Variants in SLC6A6 observed in about 807,000 individuals in gnomAD.
SLC6A6 encodes the protein solute carrier family 6 member 6, also known as sodium- and chloride-dependent taurine transporter.
Under a neutral mutation model 68.8 loss-of-function variants are expected in SLC6A6, and 16 were observed. That is an observed-to-expected ratio of 0.23 (90% confidence interval 0.16 to 0.35). SLC6A6 has a LOEUF of 0.35. SLC6A6 is among the 10% of genes least tolerant of loss of function. SLC6A6 has a pLI of 1.00. For synonymous variants in SLC6A6, 312 were observed against 315.4 expected, an observed-to-expected ratio of 0.99 and a Z score of 0.12; for missense variants, 474 against 802.8, an observed-to-expected ratio of 0.59 and a Z score of 4.95.
intron 1 of SLC6A6, among the ~76,000 whole-genome samples, chr3:14,414,527 T>C (rs1031038799): frequency 2.0e-5 from 3 of 151,936 alleles, no homozygotes; most frequent in Admixed American, 6.6e-5. Context: ...TATTCTTTTT[T>C]TTTTCTTTTT....
chr3:14,457,548 G>A (rs1039019650), intron 5 of SLC6A6, among the ~76,000 whole-genome samples: 6 of 152,194 alleles, frequency 3.9e-5, no homozygotes, highest in South Asian at 2.1e-4. Context: ...GGCTAACTTC[G>A]TTCTGTCAGT....
intron 1 of SLC6A6, among the ~76,000 whole-genome samples, chr3:14,414,803 G>A (rs1313380118): frequency 6.6e-6 from 1 of 152,218 alleles, no homozygotes; most frequent in Non-Finnish European, 1.5e-5. Flanking sequence ...TGCTGGGATT[G>A]CAGACATGAG....
Position 14,468,220 on chromosome 3 carries a change from G to A in SLC6A6, c.1096+8G>A, listed in dbSNP as rs779134344. 6.2e-7 allele frequency: 1 copy of A among 1,611,456 alleles called. No individual in the cohort carries two copies. Among genetic ancestry groups the A allele is most frequent in the Admixed American group, 1.7e-5 (1 of 59,286 alleles). Reference sequence around the variant, plus strand: ...CTGATGTGGCTGAGTCAGGTACGGTGGTATCGGTGGCAGTGGTGGTGGGCA... The same window carrying A: ...CTGATGTGGCTGAGTCAGGTACGGTAGTATCGGTGGCAGTGGTGGTGGGCA... On this transcript the variant is annotated splice_region_variant and intron_variant, in intron 9 of 14. Transcript: ENST00000622186. The surrounding 1 kb of genome is among the most constrained non-coding windows in gnomAD (Gnocchi z 4.5).
chr3:14,417,101 G>A (rs539302602), intron 2 of SLC6A6, among the ~76,000 whole-genome samples: 2 of 152,328 alleles, frequency 1.3e-5, no homozygotes, highest in South Asian at 4.1e-4. Flanking sequence ...GGGAGGCCAA[G>A]GCAGGAGGAT....
In SLC6A6 at chr3:14,472,363, C is replaced by G. The variant is rs536018464; in HGVS notation, c.1209+46C>G. The stretch of plus-strand genomic sequence containing the variant: ...TGGGGCGACTGCCCCTGTGGGGAAC[C>G]TGACTCTGGGAAAGACTCCTTATTC... On this transcript the variant is annotated intron_variant, in intron 10 of 14. Coordinates refer to ENST00000622186, the MANE Select transcript of SLC6A6 (RefSeq NM_003043.6). The surrounding 1 kb of genome is among the most constrained non-coding windows in gnomAD (Gnocchi z 4.5). 1.6e-4 allele frequency: 187 copies of G among 1,200,788 alleles called. 3 individuals carry two copies. The South Asian group carries it at 2.2e-3, about 14-fold the overall frequency. The allele number at this position is 1,200,788 out of a possible 1,614,324, so 74.4% of individuals were successfully genotyped here.
At chr3:14,484,002 T>C (rs1701075682) in intron 14 of SLC6A6, among the ~76,000 whole-genome samples, 1 of 152,202 alleles carries the variant, frequency 6.6e-6, no homozygotes, top group South Asian at 2.1e-4. Context: ...ATAAGCAGCT[T>C]TTAAAAATTT....
chr3:14,447,530 GT>G lies in SLC6A6; in HGVS notation c.365-51del, dbSNP rs1355548663. 8 of 1,602,782 alleles carry G rather than the reference GT, an allele frequency of 5.0e-6. No homozygotes were observed. The African/African-American group carries it at 1.1e-4, about 21-fold the overall frequency. ...CCTTCCAGTTGAGTATGTGGCCGTGGTGGGTCTGGCCTCCCTCAGATGTTTA... is the reference window on the plus strand; with the variant it reads ...CCTTCCAGTTGAGTATGTGGCCGTGGGGGTCTGGCCTCCCTCAGATGTTTA... On this transcript the variant is annotated intron_variant, in intron 4 of 14. Transcript: ENST00000622186.
chr3:14,430,815 G>A (rs553622914), intron 2 of SLC6A6, among the ~76,000 whole-genome samples: 2 of 152,348 alleles, frequency 1.3e-5, no homozygotes, highest in African/African-American at 2.4e-5. Flanking sequence ...TTTCCCCTCT[G>A]TGAAATGAGT....
chr3:14,433,079 C>T (rs1281835049), intron 2 of SLC6A6, among the ~76,000 whole-genome samples: 1 of 8,318 alleles, frequency 1.2e-4, no homozygotes, highest in East Asian at 9.4e-4. Context: ...CTTCTCTAGT[C>T]GTTAGTGCTG....
At chr3:14,424,971 A>C (rs2124915976) in intron 2 of SLC6A6, among the ~76,000 whole-genome samples, 1 of 152,322 alleles carries the variant, frequency 6.6e-6, no homozygotes, top group Admixed American at 6.5e-5. Context: ...CCAGTGTGGC[A>C]GATCTGGAGC....
In SLC6A6 at chr3:14,486,369, A is replaced by G. The variant is rs1289641197; in HGVS notation, c.*1362A>G. On this transcript the variant is annotated 3_prime_UTR_variant, in exon 15 of 15. Transcript: ENST00000622186. ...GCAGCCCGTGGTGCTGACCTAGGAT[A>G]TAACAAAGCTCTTCACTTCAAAACC... 1.3e-5 allele frequency: 2 copies of G among 152,576 alleles called. No homozygotes were observed. The highest frequency in any genetic ancestry group is 2.9e-5 in the Non-Finnish European group (2 of 68,032). 9.5% of individuals were successfully genotyped at this position (152,576 alleles called of 1,614,324 possible).
intron 13 of SLC6A6, among the ~76,000 whole-genome samples, chr3:14,479,386 G>A (rs1490188895): frequency 1.3e-5 from 2 of 152,214 alleles, no homozygotes; most frequent in African/African-American, 4.8e-5. Context: ...GTAGGAATTT[G>A]TCAGGAGTAG....
intron 2 of SLC6A6, among the ~76,000 whole-genome samples, chr3:14,425,850 G>A (rs1699584520): frequency 6.6e-6 from 1 of 152,186 alleles, no homozygotes; most frequent in African/African-American, 2.4e-5. Flanking sequence ...TCTCTGGCCA[G>A]TCTGAATTTA....
intron 1 of SLC6A6, among the ~76,000 whole-genome samples, chr3:14,415,715 C>CA (rs1189320113): frequency 1.3e-5 from 2 of 152,050 alleles, no homozygotes; most frequent in Non-Finnish European, 2.9e-5. Context: ...CAACAGAACC[C>CA]CCCCGCTCCA....
Position 14,481,775 on chromosome 3 carries a change from C to T in SLC6A6, c.1656C>T (p.Ser552=). Residue 552 remains serine (S), a synonymous_variant, in exon 14 of 15, where the codon TCC becomes TCT. Transcript: ENST00000622186. The surrounding 1 kb of genome is among the most constrained non-coding windows in gnomAD (Gnocchi z 4.7). ...AIGLGWSLAL[S]SMLCVPLVIV... ...GGCTGGGCTGGAGCCTGGCCCTTTC[C>T]TCCATGCTCTGCGTTCCCTTGGTCA... is the stretch of plus-strand genomic sequence containing the variant. 1 of 1,614,110 alleles carries T rather than the reference C, an allele frequency of 6.2e-7. No individual in the cohort carries two copies. The highest frequency in any genetic ancestry group is 8.5e-7 in the Non-Finnish European group (1 of 1,179,944).
chr3:14,448,895 CAAG>C (rs1559301128), intron 5 of SLC6A6, among the ~76,000 whole-genome samples: 4 of 152,256 alleles, frequency 2.6e-5, no homozygotes, highest in African/African-American at 9.6e-5. Flanking sequence ...GCTCAGCACT[CAAG>C]TGCAGCCCCT....
At chr3:14,424,392 C>A (rs2124915070) in intron 2 of SLC6A6, among the ~76,000 whole-genome samples, 1 of 151,112 alleles carries the variant, frequency 6.6e-6, no homozygotes, top group Middle Eastern at 3.5e-3. Context: ...TCTTGAATAT[C>A]AAAAATATGC....
chr3:14,436,006 C>A (rs1365241689), intron 2 of SLC6A6, among the ~76,000 whole-genome samples: 1 of 152,190 alleles, frequency 6.6e-6, no homozygotes, highest in Non-Finnish European at 1.5e-5. Context: ...TGGAGCTCGC[C>A]ACGCTTGAGT....
At chr3:14,425,365 T>C (rs779941328) in intron 2 of SLC6A6, among the ~76,000 whole-genome samples, 1 of 152,190 alleles carries the variant, frequency 6.6e-6, no homozygotes, top group African/African-American at 2.4e-5. Context: ...CCGCAGGAGC[T>C]GCCTGCACTG....
Sources: allele counts gnomAD v4.1 joint callset (sites outside exome capture counted in the v4.1 genomes callset), GRCh38; gene constraint gnomAD v4.1.1; non-coding constraint Gnocchi (gnomAD v3.1); transcripts MANE v1.5; gene names NCBI Gene and HGNC (gene_info 2026-07-23, HGNC 2026-07-21).